Variants in FBLN1 observed in about 807,000 individuals in gnomAD.
FBLN1 encodes fibulin 1, also known as fibulin-1.
FBLN1 carries 34 observed loss-of-function variants against 89.7 expected under a neutral mutation model. The observed-to-expected ratio is 0.38, with a 90% CI of 0.29 to 0.50. The LOEUF (loss-of-function observed/expected upper bound fraction) is 0.50. FBLN1 is among the 20% of genes least tolerant of loss of function. The probability of loss-of-function intolerance (pLI) is 0.92; values close to 1 mark genes in which losing one functional copy is unlikely to be tolerated. For missense variants in FBLN1, 777 were observed against 988.1 expected (o/e 0.79, Z 2.86); for synonymous variants, 393 against 391.3 (o/e 1.00, Z -0.05).
chr22:45,546,874 G>A (rs894840492), intron 11 of FBLN1, among the ~76,000 whole-genome samples: 3 of 152,204 alleles, frequency 2.0e-5, no homozygotes, highest in African/African-American at 7.2e-5. Flanking sequence ...AGGAGAAGTT[G>A]TGGTCGAAGC....
chr22:45,562,767 G>A lies in FBLN1; in HGVS notation c.1698-11744G>A, dbSNP rs1289769837. On this transcript the variant is annotated intron_variant, in intron 14 of 16. Coordinates refer to ENST00000327858, the MANE Select transcript of FBLN1 (RefSeq NM_006486.3). The surrounding 1 kb of genome is among the most constrained non-coding windows in gnomAD (Gnocchi z 7.8). The stretch of plus-strand genomic sequence containing the variant: ...CACGGCGCCTCCCGCAGGTGAGTGA[G>A]GTGTGCCCTTCGTGTTGGCTGAATC... 7.4e-6 allele frequency: 6 copies of A among 811,198 alleles called. No individual in the cohort carries two copies. In the East Asian group the frequency reaches 1.2e-4, roughly 16 times the overall value. 50.3% of individuals were successfully genotyped at this position (811,198 alleles called of 1,614,324 possible).
chr22:45,554,763 C>T (rs943270354), intron 14 of FBLN1, among the ~76,000 whole-genome samples: 1 of 152,180 alleles, frequency 6.6e-6, no homozygotes. Context: ...TCTGGGGCTC[C>T]GCACCTGGGC....
intron 16 of FBLN1, among the ~76,000 whole-genome samples, chr22:45,587,173 G>A (rs1488788706): frequency 6.6e-6 from 1 of 152,130 alleles, no homozygotes; most frequent in East Asian, 1.9e-4. Context: ...GACGCTGGAA[G>A]GCACGAACCC....
rs1335928343 is a variant in FBLN1, at chr22:45,536,468, G to A, written c.922+1131G>A. 1.3e-5 allele frequency among the ~76,000 whole-genome samples: 2 copies of A among 152,100 alleles called. No individual in the cohort carries two copies. The highest frequency in any genetic ancestry group is 2.9e-5 in the Non-Finnish European group (2 of 67,998). ...TAGTTCACATGTAGTTCACCACAAT[G>A]AGAAAAGAAACTCTGGCCAGGCACG... On this transcript the variant is annotated intron_variant, in intron 8 of 16. Transcript: ENST00000327858. This position sits in a 1 kb window ranked among gnomAD's most constrained non-coding sequence, Gnocchi z 5.1.
At position 45,549,578 on chromosome 22, in the gene FBLN1, C is replaced by T. The variant is rs191565432; in HGVS notation, c.1573+834C>T. On this transcript the variant is annotated intron_variant, in intron 13 of 16. Transcript: ENST00000327858. The surrounding 1 kb of genome is among the most constrained non-coding windows in gnomAD (Gnocchi z 5.7). ...TCTGCATTTCTGACGGAGCAAATGA[C>T]TTTTCTCCTGGCCAGGCTCCCTCAC... 6.6e-6 allele frequency among the ~76,000 whole-genome samples: 1 copy of T among 152,352 alleles called. No homozygotes were observed. The highest frequency in any genetic ancestry group is 2.4e-5 in the African/African-American group (1 of 41,584).
In FBLN1 at chr22:45,579,874, G is replaced by A. The variant is rs1031242705; in HGVS notation, c.1972+2766G>A. On this transcript the variant is annotated intron_variant, in intron 16 of 16. Coordinates refer to ENST00000327858, the MANE Select transcript of FBLN1 (RefSeq NM_006486.3). This position sits in a 1 kb window ranked among gnomAD's most constrained non-coding sequence, Gnocchi z 5.5. ...CATCCTGGGAGCTTCCTGGTCCCTAGGGGCAGCCATCCCGGCACACGGCTC... is the reference window on the plus strand; with the variant it reads ...CATCCTGGGAGCTTCCTGGTCCCTAAGGGCAGCCATCCCGGCACACGGCTC... Among the ~76,000 whole-genome samples the A allele has an allele frequency of 9.2e-5, 14 of 152,024 alleles. No homozygotes were observed. Among genetic ancestry groups the A allele is most frequent in the African/African-American group, 3.1e-4 (13 of 41,422 alleles).
At chr22:45,527,201 G>C (rs1211504784) in intron 3 of FBLN1, among the ~76,000 whole-genome samples, 1 of 152,226 alleles carries the variant, frequency 6.6e-6, no homozygotes, top group Non-Finnish European at 1.5e-5. Context: ...CTGAAGCAGG[G>C]CTTTTCGTGT....
intron 10 of FBLN1, among the ~76,000 whole-genome samples, chr22:45,542,512 C>T (rs2088570792): frequency 6.6e-6 from 1 of 152,232 alleles, no homozygotes; most frequent in Admixed American, 6.5e-5. Flanking sequence ...GCCTGCTCCC[C>T]ATCTGTGGAA....
At chr22:45,533,319 T>G (rs1240008043) in intron 6 of FBLN1, among the ~76,000 whole-genome samples, 155 bp downstream of exon 6, 1 of 152,206 alleles carries the variant, frequency 6.6e-6, no homozygotes, top group Non-Finnish European at 1.5e-5. Flanking sequence ...TCGCTGGAGT[T>G]TGCAGCGCAG....
chr22:45,542,618 T>C (rs1377580300), intron 10 of FBLN1, among the ~76,000 whole-genome samples: 4 of 152,174 alleles, frequency 2.6e-5, no homozygotes, highest in Non-Finnish European at 5.9e-5. Flanking sequence ...ACCGCTGAGC[T>C]GTAGATCCCC....
chr22:45,597,001 AATAG>A lies in FBLN1; in HGVS notation c.1973-3303_1973-3300del, dbSNP rs1305585003. ...TATACAGAAATATAATAATAACAGA[AATAG>A]ATCTCTTTTTTTTTGGGACAGGATC... On this transcript the variant is annotated intron_variant, in intron 16 of 16. Coordinates refer to ENST00000327858, the MANE Select transcript of FBLN1 (RefSeq NM_006486.3). This position sits in a 1 kb window ranked among gnomAD's most constrained non-coding sequence, Gnocchi z 4.2. Among the ~76,000 whole-genome samples, 3 of 151,366 alleles carry A rather than the reference AATAG, an allele frequency of 2.0e-5. No homozygotes were observed. The highest frequency in any genetic ancestry group is 7.3e-5 in the African/African-American group (3 of 41,244).
In FBLN1 at chr22:45,574,741, G is replaced by C. The variant is rs2088980086; in HGVS notation, c.1840+88G>C. On this transcript the variant is annotated intron_variant, in intron 15 of 16. Coordinates refer to ENST00000327858, the MANE Select transcript of FBLN1 (RefSeq NM_006486.3). The surrounding 1 kb of genome is among the most constrained non-coding windows in gnomAD (Gnocchi z 4.1). ...GCTTGGCCTACAGGAGTTGTTCCTT[G>C]TAAGATGTGGCCCAGGCTTTGAAAT... 1.1e-6 allele frequency: 1 copy of C among 921,566 alleles called. No individual in the cohort carries two copies. Among genetic ancestry groups the C allele is most frequent in the African/African-American group, 1.7e-5 (1 of 59,590 alleles). 57.1% of individuals were successfully genotyped at this position (921,566 alleles called of 1,614,324 possible). A position where few individuals can be genotyped will look rare whatever the true frequency, so the allele number is the denominator to read the frequency against.
chr22:45,548,542 C>A (rs765190908), intron 12 of FBLN1, 71 bp from the exon 13 acceptor site: 68 of 1,602,616 alleles, frequency 4.2e-5, no homozygotes, highest in Non-Finnish European at 5.3e-5. Context: ...GCCCCCAGGG[C>A]GATGTAGCAT....
intron 16 of FBLN1, among the ~76,000 whole-genome samples, chr22:45,584,046 G>T (rs915859468): frequency 6.6e-6 from 1 of 152,204 alleles, no homozygotes; most frequent in Non-Finnish European, 1.5e-5. Flanking sequence ...GGAGGTGGTG[G>T]TATAAGGCAG....
chr22:45,543,640 A>C, intron 11 of FBLN1, 114 bp downstream of exon 11: 1 of 1,355,604 alleles, frequency 7.4e-7, no homozygotes. Flanking sequence ...GTTAAATGAC[A>C]TGTTAGCAGG....
At position 45,574,415 on chromosome 22, in the gene FBLN1, GC is replaced by G. The variant is rs1569262342; in HGVS notation, c.1698-93del. On this transcript the variant is annotated intron_variant, in intron 14 of 16. Transcript: ENST00000327858. The surrounding 1 kb of genome is among the most constrained non-coding windows in gnomAD (Gnocchi z 4.1). ...AGCTGTCTCTGGGACAGATGCCCCT[GC>G]CCTGGCCACCTGCTCCTCCTCCCTA... The G allele has an allele frequency of 7.3e-7, 1 of 1,367,942 alleles. No homozygotes were observed. The allele number at this position is 1,367,942 out of a possible 1,614,324, so 84.7% of individuals were successfully genotyped here.
At chr22:45,600,005 G>A (rs958904755) in intron 16 of FBLN1, among the ~76,000 whole-genome samples, 1 of 152,236 alleles carries the variant, frequency 6.6e-6, no homozygotes. Flanking sequence ...TGATCCCAGA[G>A]CCATCCAGTT....
In FBLN1 at chr22:45,563,859, T is replaced by G. The variant is rs936489946; in HGVS notation, c.1698-10652T>G. ...TTCAAGCCTCCTCTTCTGTTTGTCTTGATCAGAAGCCCAAATCTGTGGTGC... is the reference window on the plus strand; with the variant it reads ...TTCAAGCCTCCTCTTCTGTTTGTCTGGATCAGAAGCCCAAATCTGTGGTGC... On this transcript the variant is annotated intron_variant, in intron 14 of 16. Coordinates refer to ENST00000327858, the MANE Select transcript of FBLN1 (RefSeq NM_006486.3). This position sits in a 1 kb window ranked among gnomAD's most constrained non-coding sequence, Gnocchi z 5.7. Among the ~76,000 whole-genome samples, 4 of 152,194 alleles carry G rather than the reference T, an allele frequency of 2.6e-5. No individual in the cohort carries two copies. Among genetic ancestry groups the G allele is most frequent in the African/African-American group, 9.6e-5 (4 of 41,454 alleles).
chr22:45,538,507 C>T (rs994450362), intron 8 of FBLN1, among the ~76,000 whole-genome samples: 1 of 152,180 alleles, frequency 6.6e-6, no homozygotes, highest in Non-Finnish European at 1.5e-5. Context: ...CTTTTCCCCC[C>T]CACTTGACAG....
Sources: gnomAD v4.1 joint callset for allele counts (sites outside exome capture counted in the v4.1 genomes callset) on GRCh38, gnomAD v4.1.1 for gene constraint, Gnocchi (gnomAD v3.1) non-coding constraint, MANE v1.5 for transcripts, NCBI Gene and HGNC (gene_info 2026-07-23, HGNC 2026-07-21) for gene names.